Variants in GPR173 observed in about 807,000 individuals in gnomAD.
The protein encoded by GPR173 is probable G protein-coupled receptor 173.
GPR173 carries 2 observed loss-of-function variants against 13.9 expected under a neutral mutation model. The ratio of observed to expected loss-of-function variants is 0.14; its 90% confidence interval spans 0.06 to 0.45. The LOEUF (loss-of-function observed/expected upper bound fraction) is 0.45, where lower values mean the gene tolerates loss of function less well. Among genes scored for constraint, GPR173 ranks in the 20% least tolerant of loss-of-function variants. The pLI is 0.98. For missense variants in GPR173, 202 were observed against 340.5 expected (o/e 0.59, Z 3.20); for synonymous variants, 131 against 141.0 (o/e 0.93, Z 0.50).
In GPR173 at chrX:53,068,237, A is replaced by G. The variant is rs868943743; in HGVS notation, c.-97-8288A>G. Among the ~76,000 whole-genome samples the G allele has an allele frequency of 3.7e-3, 417 of 111,666 alleles. 2 individuals carry two copies. In the Middle Eastern group the frequency reaches 0.055, roughly 15 times the overall value. ...CAATGGATCCACTGAGATTCATTAC[A>G]GTATTCTCTTTACTTTTTAATGTTT... On this transcript the variant is annotated intron_variant, in intron 1 of 1. Transcript: ENST00000332582.
At chrX:53,064,454 C>T (rs1380017423) in intron 1 of GPR173, among the ~76,000 whole-genome samples, 1 of 110,268 alleles carries the variant, frequency 9.1e-6, no homozygotes, top group Non-Finnish European at 1.9e-5. Context: ...CCCCTGTAGT[C>T]CCAGCTACTT....
chrX:53,062,569 CTTCTT>C (rs1454782961), intron 1 of GPR173, among the ~76,000 whole-genome samples: 1,497 of 74,577 alleles, frequency 0.02, 126 homozygotes, highest in African/African-American at 0.038. Context: ...ACATTGTCTT[CTTCTT>C]TTTTTTTTTT....
intron 1 of GPR173, among the ~76,000 whole-genome samples, chrX:53,049,834 T>C (rs1473883513): frequency 9.0e-6 from 1 of 111,536 alleles, no homozygotes; most frequent in Non-Finnish European, 1.9e-5. Context: ...CCGTGTTCCC[T>C]TCACAATGCC....
intron 1 of GPR173, among the ~76,000 whole-genome samples, chrX:53,053,106 G>A (rs1931985858): frequency 8.9e-6 from 1 of 112,625 alleles, no homozygotes; most frequent in African/African-American, 3.2e-5. Context: ...TGTTTTGTGA[G>A]TACATTTGTA....
intron 1 of GPR173, among the ~76,000 whole-genome samples, chrX:53,056,367 G>T (rs1473613261): frequency 1.8e-5 from 2 of 110,505 alleles, no homozygotes; most frequent in African/African-American, 6.6e-5. Flanking sequence ...GTGAGAGCGT[G>T]GGGTATATCT....
In GPR173 at chrX:53,076,916, G is replaced by T; in HGVS notation, c.295G>T (p.Val99Leu). The change falls in exon 2 of 2, where the codon GTG becomes TTG. Residue 99 changes from valine (V) to leucine (L), a missense_variant. Coordinates refer to ENST00000332582, the MANE Select transcript of GPR173 (RefSeq NM_018969.6). ...CTTCAGTGCACTCAGCTGCAAGATT[G>T]TGGCCTTTATGGCCGTGCTCTTTTG... ...WTFSALSCKI[V>L]AFMAVLFCFH... The T allele has an allele frequency of 8.3e-7, 1 of 1,209,773 alleles. No individual in the cohort carries two copies.
At chrX:53,076,358 C>G (rs1322883634) in intron 1 of GPR173, among the ~76,000 whole-genome samples, 167 bp from the exon 2 acceptor site, 2 of 109,493 alleles carry the variant, frequency 1.8e-5, no homozygotes, top group African/African-American at 6.7e-5. Context: ...GGCCACTTTT[C>G]TATCTCTTTG....
At chrX:53,052,979 T>C (rs1347408991) in intron 1 of GPR173, among the ~76,000 whole-genome samples, 1 of 111,795 alleles carries the variant, frequency 8.9e-6, no homozygotes, top group African/African-American at 3.3e-5. Context: ...TGTGTCCAAG[T>C]CCATCTGTGA....
chrX:53,064,045 T>C (rs1932160043), intron 1 of GPR173, among the ~76,000 whole-genome samples: 1 of 111,540 alleles, frequency 9.0e-6, no homozygotes, highest in Non-Finnish European at 1.9e-5. Flanking sequence ...CCTATAGCAC[T>C]TGTCTTCTTC....
At chrX:53,072,637 G>C (rs782222720) in intron 1 of GPR173, among the ~76,000 whole-genome samples, 1 of 109,906 alleles carries the variant, frequency 9.1e-6, no homozygotes, top group Non-Finnish European at 1.9e-5. Flanking sequence ...CTCTCTCTCT[G>C]TGTCTCTCTG....
Position 53,077,390 on chromosome X carries a change from A to T in GPR173, c.769A>T (p.Thr257Ser). Reference sequence around the variant, plus strand: ...CTTTGGCCGTGGGCCCATGCCACCAACCCTGCTGGGTATCCGGCAGAATGG... The same window carrying T: ...CTTTGGCCGTGGGCCCATGCCACCATCCCTGCTGGGTATCCGGCAGAATGG... ...AGFGRGPMPP[T>S]LLGIRQNGHA... is the part of the protein sequence containing the mutation. Residue 257 changes from threonine (T) to serine (S), a missense_variant, in exon 2 of 2, where the codon ACC becomes TCC. By Grantham distance (58) the Thr-to-Ser change is moderately conservative (BLOSUM62 1). Coordinates refer to ENST00000332582, the MANE Select transcript of GPR173 (RefSeq NM_018969.6). 1 of 1,202,088 alleles carries T rather than the reference A, an allele frequency of 8.3e-7. No homozygotes were observed. Among genetic ancestry groups the T allele is most frequent in the Non-Finnish European group, 1.1e-6 (1 of 890,622 alleles).
chrX:53,077,862 C>T lies in GPR173; in HGVS notation c.*119C>T. ...CCTTTCTGAGCTCCAGCCCCAGCCC[C>T]TCGAACCACCTGTAATCTAGGCACC... is the stretch of plus-strand genomic sequence containing the variant. On this transcript the variant is annotated 3_prime_UTR_variant, in exon 2 of 2. Coordinates refer to ENST00000332582, the MANE Select transcript of GPR173 (RefSeq NM_018969.6). The T allele has an allele frequency of 1.8e-6, 1 of 546,174 alleles. No individual in the cohort carries two copies. 45.0% of individuals were successfully genotyped at this position (546,174 alleles called of 1,213,427 possible).
chrX:53,079,283 T>C lies in GPR173; in HGVS notation c.*1540T>C. ...CCCAGAACTGGGGAAGCCTGACCCA[T>C]ACAGAATGGGGAGGGCACTCTAGGC... On this transcript the variant is annotated 3_prime_UTR_variant, in exon 2 of 2. Coordinates refer to ENST00000332582, the MANE Select transcript of GPR173 (RefSeq NM_018969.6). 8.2e-6 allele frequency: 1 copy of C among 121,849 alleles called. No individual in the cohort carries two copies. The allele number at this position is 121,849 out of a possible 1,213,427, so 10.0% of individuals were successfully genotyped here.
chrX:53,080,590 TTACA>T lies in GPR173; in HGVS notation c.*2850_*2853del, dbSNP rs1556806556. 2.4e-5 allele frequency: 3 copies of T among 123,282 alleles called. No individual in the cohort carries two copies. The highest frequency in any genetic ancestry group is 3.7e-5 in the Non-Finnish European group (2 of 53,343). The allele number at this position is 123,282 out of a possible 1,213,427, so 10.2% of individuals were successfully genotyped here. On this transcript the variant is annotated 3_prime_UTR_variant, in exon 2 of 2. Transcript: ENST00000332582. ...GTATGGTATTGCTGTGTGTTTTAATTTACATAAACAGTATTGTACTATAAATCTT... is the reference window on the plus strand; with the variant it reads ...GTATGGTATTGCTGTGTGTTTTAATTTAAACAGTATTGTACTATAAATCTT...
intron 1 of GPR173, among the ~76,000 whole-genome samples, chrX:53,050,513 C>T (rs1458131294): frequency 8.9e-6 from 1 of 112,315 alleles, no homozygotes; most frequent in Non-Finnish European, 1.9e-5. Context: ...TTAGTGGAAG[C>T]ATGCCACTTA....
At chrX:53,072,283 C>G (rs1050735752) in intron 1 of GPR173, among the ~76,000 whole-genome samples, 1 of 109,272 alleles carries the variant, frequency 9.2e-6, no homozygotes, top group Admixed American at 9.9e-5. Context: ...CTCTCTCTAT[C>G]TCTCTCCAGC....
chrX:53,066,802 T>C (rs1932189674), intron 1 of GPR173, among the ~76,000 whole-genome samples: 1 of 111,458 alleles, frequency 9.0e-6, no homozygotes, highest in African/African-American at 3.3e-5. Flanking sequence ...GGTGTACTGA[T>C]CCCAGTTCCT....
Position 53,077,770 on chromosome X carries a change from GAGA to G in GPR173, c.*30_*32del. ...GCAGGCTGGTAGGCAGACAGGCAGA[GAGA>G]AGGTCATGGCCACCGTGATGGGGCC... On this transcript the variant is annotated 3_prime_UTR_variant, in exon 2 of 2. Coordinates refer to ENST00000332582, the MANE Select transcript of GPR173 (RefSeq NM_018969.6). 1 of 1,169,586 alleles carries G rather than the reference GAGA, an allele frequency of 8.6e-7. No homozygotes were observed. The highest frequency in any genetic ancestry group is 1.9e-5 in the South Asian group (1 of 53,801).
chrX:53,058,975 C>T (rs1032161760), intron 1 of GPR173, among the ~76,000 whole-genome samples: 5 of 108,782 alleles, frequency 4.6e-5, no homozygotes, highest in African/African-American at 6.7e-5. Context: ...CTAGGCCGAG[C>T]GCGGTGGCTG....
Sources: allele counts gnomAD v4.1 joint callset (sites outside exome capture counted in the v4.1 genomes callset), GRCh38; gene constraint gnomAD v4.1.1; transcripts MANE v1.5; gene names NCBI Gene and HGNC (gene_info 2026-07-23, HGNC 2026-07-21).